The following KAT6B variants were observed in gnomAD, a reference collection of about 807,000 sequenced individuals.
KAT6B encodes lysine acetyltransferase 6B.
KAT6B carries 10 observed loss-of-function variants against 187.5 expected under a neutral mutation model. That is an observed-to-expected ratio of 0.05 (90% CI 0.03 to 0.09). The LOEUF (loss-of-function observed/expected upper bound fraction) is 0.09. Among genes scored for constraint, KAT6B ranks in the 10% least tolerant of loss-of-function variants. The pLI is 1.00. For synonymous variants in KAT6B, 861 were observed against 926.8 expected (o/e 0.93, Z 1.29); for missense variants, 1,952 against 2,558.9 (o/e 0.76, Z 5.12).
intron 13 of KAT6B, among the ~76,000 whole-genome samples, chr10:75,015,251 A>G (rs1211025081): frequency 1.3e-5 from 2 of 152,202 alleles, no homozygotes; most frequent in Non-Finnish European, 2.9e-5. Flanking sequence ...TTCAACACCA[A>G]TCTCTTAAAA....
chr10:74,970,818 A>T (rs980555326), intron 6 of KAT6B, among the ~76,000 whole-genome samples: 3 of 152,194 alleles, frequency 2.0e-5, no homozygotes, highest in African/African-American at 7.2e-5. Context: ...AGGGAAATGG[A>T]ACATTCTGTA....
intron 3 of KAT6B, among the ~76,000 whole-genome samples, chr10:74,846,003 A>G (rs912232273): frequency 1.3e-5 from 2 of 151,730 alleles, no homozygotes; most frequent in Non-Finnish European, 2.9e-5. Flanking sequence ...AGCTGGGACT[A>G]CAGGTGCACA....
intron 3 of KAT6B, among the ~76,000 whole-genome samples, chr10:74,908,549 CAAAAAAA>C (rs10715826): frequency 1.8e-5 from 2 of 109,450 alleles, no homozygotes; most frequent in South Asian, 3.0e-4. Context: ...GACCCCGTCT[CAAAAAAA>C]AAAAAAAAAA....
intron 3 of KAT6B, among the ~76,000 whole-genome samples, chr10:74,900,818 G>A (rs1016515081): frequency 1.3e-5 from 2 of 152,200 alleles, no homozygotes. Flanking sequence ...GAGTGCAAAT[G>A]TTGGGGGAGT....
At chr10:74,988,009 A>G (rs1564608002) in intron 12 of KAT6B, among the ~76,000 whole-genome samples, 3 of 152,168 alleles carry the variant, frequency 2.0e-5, no homozygotes, top group Admixed American at 6.5e-5. Flanking sequence ...AAATGTGCAA[A>G]AGTTGGGAGT....
At chr10:74,847,995 T>C (rs2132128841) in intron 3 of KAT6B, among the ~76,000 whole-genome samples, 1 of 150,564 alleles carries the variant, frequency 6.6e-6, no homozygotes, top group African/African-American at 2.4e-5. Context: ...CATGGCCCAC[T>C]GCAACCTCTG....
At chr10:75,017,891 G>A (rs965633292) in intron 13 of KAT6B, among the ~76,000 whole-genome samples, 12 of 152,196 alleles carry the variant, frequency 7.9e-5, no homozygotes, top group Non-Finnish European at 1.8e-4. Context: ...CATTTTGATC[G>A]TTTTGATGGA....
chr10:75,030,550 A>T lies in KAT6B; in HGVS notation c.5726A>T (p.His1909Leu). The change falls in exon 18 of 18, where the codon CAC becomes CTC. Residue 1909 changes from histidine (H) to leucine (L), a missense_variant. This residue lies in a region of KAT6B where 358 missense variants were observed against 436.3 expected (regional missense o/e 0.82). Coordinates refer to ENST00000287239, the MANE Select transcript of KAT6B (RefSeq NM_012330.4). The surrounding 1 kb of genome is among the most constrained non-coding windows in gnomAD (Gnocchi z 4.8). Reference sequence around the variant, plus strand: ...GCTGCATCAAATATTGGCATCTCTCACAGCCAAAGACTGCAAACCCAGATT... The same window carrying T: ...GCTGCATCAAATATTGGCATCTCTCTCAGCCAAAGACTGCAAACCCAGATT... ...NMAASNIGIS[H>L]SQRLQTQIAS... 6.2e-7 allele frequency: 1 copy of T among 1,607,282 alleles called. No individual in the cohort carries two copies. The highest frequency in any genetic ancestry group is 2.2e-5 in the East Asian group (1 of 44,688).
chr10:74,944,537 G>A (rs571433740), intron 3 of KAT6B, among the ~76,000 whole-genome samples: 14 of 152,260 alleles, frequency 9.2e-5, no homozygotes, highest in South Asian at 4.1e-4. Context: ...TAGGCCGGGC[G>A]CGGTGGCTCA....
intron 3 of KAT6B, among the ~76,000 whole-genome samples, chr10:74,854,266 C>T (rs892035497): frequency 2.0e-5 from 3 of 152,160 alleles, no homozygotes; most frequent in Admixed American, 6.5e-5. Flanking sequence ...ATCTCTCTGT[C>T]TTCAGGTGGT....
intron 8 of KAT6B, 112 bp from the exon 9 acceptor site, chr10:74,977,203 TA>T (rs1042806522): frequency 1.2e-5 from 13 of 1,114,110 alleles, no homozygotes; most frequent in Admixed American, 2.0e-5. Context: ...TATAAAGCTT[TA>T]AAAAAAATCC....
intron 13 of KAT6B, among the ~76,000 whole-genome samples, chr10:75,004,980 A>G (rs1844105540): frequency 6.6e-6 from 1 of 151,812 alleles, no homozygotes; most frequent in Non-Finnish European, 1.5e-5. Context: ...CTCCCAAGGC[A>G]CTGGGATTAC....
intron 3 of KAT6B, among the ~76,000 whole-genome samples, chr10:74,926,895 T>G (rs1438814352): frequency 4.6e-5 from 7 of 152,228 alleles, no homozygotes; most frequent in African/African-American, 1.7e-4. Context: ...CAGCTCTGTG[T>G]CAATCCTTCA....
intron 1 of KAT6B, among the ~76,000 whole-genome samples, chr10:74,829,100 G>A (rs1169882255): frequency 6.6e-6 from 1 of 152,022 alleles, no homozygotes; most frequent in Non-Finnish European, 1.5e-5. Context: ...GTCATGACAC[G>A]GTCGGCAGAG....
Position 74,975,582 on chromosome 10 carries a change from C to T in KAT6B, c.1245C>T (p.Thr415=). Residue 415 remains threonine (T), a synonymous_variant, in exon 8 of 18, where the codon ACC becomes ACT. Coordinates refer to ENST00000287239, the MANE Select transcript of KAT6B (RefSeq NM_012330.4). Reference sequence around the variant, plus strand: ...CTGGTGCCACCACCAAAATCACCACCACCTCCACCTACATTTCTGCCTCTA... The same window carrying T: ...CTGGTGCCACCACCAAAATCACCACTACCTCCACCTACATTTCTGCCTCTA... The part of the protein sequence containing the change: ...TRPGATTKIT[T]TSTYISASTL... 1.2e-6 allele frequency: 2 copies of T among 1,614,158 alleles called. No individual in the cohort carries two copies. The highest frequency in any genetic ancestry group is 1.1e-5 in the South Asian group (1 of 91,082).
chr10:74,830,769 T>TATATATATATA lies in KAT6B; in HGVS notation c.-329+3984_-329+3985insATATATATATA, dbSNP rs58702000. Among the ~76,000 whole-genome samples the TATATATATATA allele has an allele frequency of 3.1e-3, 24 of 7,728 alleles. 2 individuals are homozygous for TATATATATATA. The highest frequency in any genetic ancestry group is 4.9e-3 in the Non-Finnish European group (19 of 3,840). 5.1% of individuals were successfully genotyped at this position (7,728 alleles called of 152,430 possible). On this transcript the variant is annotated intron_variant, in intron 1 of 17. Coordinates refer to ENST00000287239, the MANE Select transcript of KAT6B (RefSeq NM_012330.4). Reference sequence around the variant, plus strand: ...ATATATATATATATATATATATATATTTTTTTTTTTTTTTTTTTTTTTTTT... The same window carrying TATATATATATA: ...ATATATATATATATATATATATATATATATATATATATTTTTTTTTTTTTTTTTTTTTTTTT...
At chr10:75,024,840 A>G (rs2134195195) in intron 16 of KAT6B, 118 bp from the exon 17 acceptor site, 1 of 925,050 alleles carries the variant, frequency 1.1e-6, no homozygotes, top group Non-Finnish European at 1.7e-6. Flanking sequence ...CAAAGGCATT[A>G]CAGAAGTCAC....
intron 3 of KAT6B, among the ~76,000 whole-genome samples, chr10:74,867,976 A>G (rs906340049): frequency 6.6e-6 from 1 of 152,198 alleles, no homozygotes; most frequent in African/African-American, 2.4e-5. Flanking sequence ...GGTTTATGGA[A>G]TGGCCGAATA....
At chr10:74,832,193 ATATT>A (rs1197660129) in intron 1 of KAT6B, among the ~76,000 whole-genome samples, 1 of 152,234 alleles carries the variant, frequency 6.6e-6, no homozygotes, top group Non-Finnish European at 1.5e-5. Context: ...TAGAGCTATA[ATATT>A]TATGAAACTC....
Sources: gnomAD v4.1 joint callset for allele counts (sites outside exome capture counted in the v4.1 genomes callset) on GRCh38, gnomAD v4.1.1 for gene constraint, gnomAD v4.1.1 regional missense constraint, Gnocchi (gnomAD v3.1) non-coding constraint, MANE v1.5 for transcripts, NCBI Gene and HGNC (gene_info 2026-07-23, HGNC 2026-07-21) for gene names.